Variants in GRK1 observed in about 807,000 individuals in gnomAD.
GRK1 encodes G protein-coupled receptor kinase 1, also known as rhodopsin kinase GRK1.
Under a neutral mutation model 41.7 loss-of-function variants are expected in GRK1, and 28 were observed. The observed-to-expected ratio is 0.67, with a 90% CI of 0.50 to 0.92. The LOEUF (loss-of-function observed/expected upper bound fraction) is 0.92, where lower values mean the gene tolerates loss of function less well. Among genes scored for constraint, GRK1 ranks in the 40% least tolerant of loss-of-function variants. GRK1 has a pLI of 0.00. For missense variants in GRK1, 703 were observed against 671.2 expected, an observed-to-expected ratio of 1.05 and a Z score of -0.52; for synonymous variants, 327 against 286.7, an observed-to-expected ratio of 1.14 and a Z score of -1.42.
chr13:113,652,601 G>A, the GRK1 span: 11 of 517,728 alleles, frequency 2.1e-5, no homozygotes, highest in Non-Finnish European at 3.6e-5. Flanking sequence ...CCTGAAGGGG[G>A]CCCTGGCCTT....
intron 6 of GRK1, chr13:113,734,833 G>T: frequency 2.5e-6 from 1 of 407,664 alleles, no homozygotes; most frequent in Middle Eastern, 6.3e-4. Flanking sequence ...AATGAGCCCT[G>T]GGATCTCAGG....
the GRK1 span, chr13:113,651,725 G>A: frequency 3.8e-5 from 62 of 1,613,626 alleles, no homozygotes; most frequent in African/African-American, 1.7e-4. Flanking sequence ...GGAACTTGAC[G>A]ATCTAGAAGG....
At chr13:113,724,729 A>G (rs2049880487) in intron 4 of GRK1, among the ~76,000 whole-genome samples, 2 of 152,198 alleles carry the variant, frequency 1.3e-5, no homozygotes, top group South Asian at 4.1e-4. Flanking sequence ...GGGGGATCCC[A>G]TGGCTCAAGG....
the GRK1 span, chr13:113,652,994 G>A: frequency 6.2e-7 from 1 of 1,614,168 alleles, no homozygotes; most frequent in Non-Finnish European, 8.5e-7. Context: ...GGTGTGGTTG[G>A]GAGCGCGGAA....
chr13:113,657,486 G>A, the GRK1 span, among the ~76,000 whole-genome samples: 16 of 152,220 alleles, frequency 1.1e-4, no homozygotes, highest in Admixed American at 7.2e-4. Flanking sequence ...GGCTGCCCGC[G>A]CCTCTGTGCA....
rs989045983 is a variant in GRK1, at chr13:113,736,565, G to A, written c.*1202G>A. On this transcript the variant is annotated 3_prime_UTR_variant, in exon 7 of 7. Transcript: ENST00000335678. The stretch of plus-strand genomic sequence containing the variant: ...GACACACTCCCTCTTGAGGGCCGGC[G>A]GTGCTGGCCTGGGTTCCATGGCCTC... The A allele has an allele frequency of 1.3e-5, 2 of 152,242 alleles. No homozygotes were observed. Among genetic ancestry groups the A allele is most frequent in the South Asian group, 2.1e-4 (1 of 4,830 alleles). The allele number at this position is 152,242 out of a possible 1,614,324, so 9.4% of individuals were successfully genotyped here. A position where few individuals can be genotyped will look rare whatever the true frequency, so the allele number is the denominator to read the frequency against.
Position 113,667,918 on chromosome 13 carries a change from A to T in GRK1, c.532A>T (p.Lys178Ter), listed in dbSNP as rs200173343. 6.2e-7 allele frequency: 1 copy of T among 1,607,144 alleles called. No individual in the cohort carries two copies. The highest frequency in any genetic ancestry group is 1.3e-5 in the African/African-American group (1 of 74,782). The part of the protein sequence containing the change: ...SLYFLRFLQW[K>*]WLEAQPMGED... ...GTACTTCCTGAGGTTCCTGCAGTGG[A>T]AGTGGCTGGAAGCCCAGCCCATGGG... The change falls in exon 1 of 7, where the codon AAG becomes TAG. Residue 178 changes from lysine (K) to a stop codon, truncating the protein, a stop_gained. Coordinates refer to ENST00000335678, the MANE Select transcript of GRK1 (RefSeq NM_002929.3). LOFTEE classifies it high-confidence loss of function. The surrounding 1 kb of genome is among the most constrained non-coding windows in gnomAD (Gnocchi z 7.5).
chr13:113,668,620 G>C (rs1032291486), intron 1 of GRK1, among the ~76,000 whole-genome samples: 1 of 152,236 alleles, frequency 6.6e-6, no homozygotes, highest in Non-Finnish European at 1.5e-5. Flanking sequence ...TGAGCGACGG[G>C]CACGCAGGCC....
the GRK1 span, chr13:113,658,139 C>A: frequency 6.2e-7 from 1 of 1,611,830 alleles, no homozygotes; most frequent in Non-Finnish European, 8.5e-7. Flanking sequence ...CCTGCAGAGC[C>A]GCCATCGTCC....
chr13:113,731,785 G>A lies in GRK1; in HGVS notation c.1194+442G>A, dbSNP rs1212869074. ...AGCTTCATCCCCTGGGGACTGGCGA[G>A]GCTGAGGCTGGGGCTCTGGGGGACA... On this transcript the variant is annotated intron_variant, in intron 5 of 6. Coordinates refer to ENST00000335678, the MANE Select transcript of GRK1 (RefSeq NM_002929.3). The surrounding 1 kb of genome is among the most constrained non-coding windows in gnomAD (Gnocchi z 5.6). Among the ~76,000 whole-genome samples, 1 of 152,200 alleles carries A rather than the reference G, an allele frequency of 6.6e-6. No homozygotes were observed. Among genetic ancestry groups the A allele is most frequent in the African/African-American group, 2.4e-5 (1 of 41,440 alleles).
At chr13:113,666,868 A>T (rs148722675), upstream of GRK1, among the ~76,000 whole-genome samples, 653 of 152,240 alleles carry the variant, frequency 4.3e-3, 3 homozygotes, top group African/African-American at 0.014. Context: ...CAGCCTTTGT[A>T]AATTACGGTT....
the GRK1 span, among the ~76,000 whole-genome samples, chr13:113,656,530 G>C: frequency 6.6e-6 from 1 of 152,180 alleles, no homozygotes. Context: ...GCACCACGGT[G>C]TTCAGGGCAC....
At chr13:113,658,271 C>A in the GRK1 span, 1 of 908,274 alleles carries the variant, frequency 1.1e-6, no homozygotes, top group Non-Finnish European at 1.6e-6. Context: ...GCGAAGGATC[C>A]CAGGGAGAGG....
At chr13:113,669,844 G>A in intron 2 of GRK1, 30 bp downstream of exon 2, 11 of 1,612,036 alleles carry the variant, frequency 6.8e-6, no homozygotes, top group South Asian at 1.1e-5. Flanking sequence ...GCACGAGGGG[G>A]CCCCGCTGTC....
chr13:113,735,462 C>T lies in GRK1; in HGVS notation c.*99C>T, dbSNP rs374964499. On this transcript the variant is annotated 3_prime_UTR_variant, in exon 7 of 7. Transcript: ENST00000335678. ...AGCCTGGGGTCTGCTAGCAAGGGGACACGTGGTTCCCTCCACCCAGGTCCC... is the reference window on the plus strand; with the variant it reads ...AGCCTGGGGTCTGCTAGCAAGGGGATACGTGGTTCCCTCCACCCAGGTCCC... 20 of 1,310,880 alleles carry T rather than the reference C, an allele frequency of 1.5e-5. No individual in the cohort carries two copies. Among genetic ancestry groups the T allele is most frequent in the Middle Eastern group, 4.4e-4 (2 of 4,574 alleles). The allele number at this position is 1,310,880 out of a possible 1,614,324, so 81.2% of individuals were successfully genotyped here.
rs557495542 is a variant in GRK1, at chr13:113,735,763, G to C, written c.*400G>C. 6.2e-6 allele frequency: 1 copy of C among 160,580 alleles called. No homozygotes were observed. Among genetic ancestry groups the C allele is most frequent in the Admixed American group, 6.4e-5 (1 of 15,588 alleles). 9.9% of individuals were successfully genotyped at this position (160,580 alleles called of 1,614,324 possible). On this transcript the variant is annotated 3_prime_UTR_variant, in exon 7 of 7. Coordinates refer to ENST00000335678, the MANE Select transcript of GRK1 (RefSeq NM_002929.3). Reference sequence around the variant, plus strand: ...TTAGCCATTGGCTTCCCAGAGCCACGCTCCTCAGCGGGAGGTGCACGGTGG... The same window carrying C: ...TTAGCCATTGGCTTCCCAGAGCCACCCTCCTCAGCGGGAGGTGCACGGTGG...
chr13:113,733,903 GTGC>G (rs1486022630), intron 6 of GRK1, among the ~76,000 whole-genome samples: 3 of 117,100 alleles, frequency 2.6e-5, no homozygotes, highest in Non-Finnish European at 4.9e-5. Context: ...GTGTGTATGT[GTGC>G]ATACAGTGTG....
chr13:113,666,258 C>G (rs1197629681), upstream of GRK1, among the ~76,000 whole-genome samples: 1 of 145,724 alleles, frequency 6.9e-6, no homozygotes, highest in Non-Finnish European at 1.5e-5. Flanking sequence ...TCCCAGCTGT[C>G]CCAAGTGTGT....
chr13:113,733,712 C>T (rs564382130), intron 6 of GRK1, among the ~76,000 whole-genome samples: 26,514 of 106,966 alleles, frequency 0.25, 3,974 homozygotes, highest in African/African-American at 0.48. Context: ...TGCGTGTGTG[C>T]GCACGTGTGT....
Sources: gnomAD v4.1 joint callset for allele counts (sites outside exome capture counted in the v4.1 genomes callset) on GRCh38, gnomAD v4.1.1 for gene constraint, Gnocchi (gnomAD v3.1) non-coding constraint, MANE v1.5 for transcripts, NCBI Gene and HGNC (gene_info 2026-07-23, HGNC 2026-07-21) for gene names.